The following PML variants were observed in gnomAD, a reference collection of about 807,000 sequenced individuals.
PML encodes PML nuclear body scaffold.
PML carries 28 observed loss-of-function variants against 65.2 expected under a neutral mutation model. The observed-to-expected ratio is 0.43, with a 90% CI of 0.32 to 0.59. PML has a LOEUF of 0.59. Ranked by LOEUF, PML falls within the 20% of genes least tolerant of loss-of-function variation. PML has a pLI of 0.08. For missense variants in PML, 1,021 were observed against 1,203.4 expected, an observed-to-expected ratio of 0.85 and a Z score of 2.24; for synonymous variants, 500 against 508.8, an observed-to-expected ratio of 0.98 and a Z score of 0.23.
intron 1 of PML, among the ~76,000 whole-genome samples, chr15:73,995,856 G>T (rs575159389): frequency 6.6e-6 from 1 of 152,130 alleles, no homozygotes; most frequent in African/African-American, 2.4e-5. Context: ...CCGGGTTCAC[G>T]CCATTCTCCT....
intron 2 of PML, among the ~76,000 whole-genome samples, chr15:74,010,615 A>ACAGC (rs2070291725): frequency 6.6e-6 from 1 of 152,158 alleles, no homozygotes; most frequent in East Asian, 1.9e-4. Context: ...AGCCAGCCAG[A>ACAGC]CAGCCATTGA....
At chr15:74,031,226 A>G in intron 4 of PML, 1 of 440,808 alleles carries the variant, frequency 2.3e-6, no homozygotes, top group Non-Finnish European at 4.6e-6. Context: ...TGTAAATAGG[A>G]TCATACAATG....
chr15:74,044,729 GC>G lies in PML; in HGVS notation c.2374del (p.Arg792GlyfsTer12). On this transcript the variant is annotated frameshift_variant, in exon 9 of 9. Transcript: ENST00000268058. LOFTEE classifies it low-confidence loss of function (END_TRUNC). ...LQPLVQAAVLPRAEARLLALH... is the reference protein window; with the variant it reads ...LQPLVQAAVLXRAEARLLALH... ...AGCCCCTGGTGCAGGCAGCTGTGCT[GC>G]CCCGGGCTGAGGCCCGCCTCCTGGC... is the stretch of plus-strand genomic sequence containing the variant. 2 of 1,609,984 alleles carry G rather than the reference GC, an allele frequency of 1.2e-6. No individual in the cohort carries two copies. Among genetic ancestry groups the G allele is most frequent in the Non-Finnish European group, 1.7e-6 (2 of 1,179,948 alleles).
At chr15:74,039,629 A>G (rs969873150) in intron 7 of PML, among the ~76,000 whole-genome samples, 2 of 152,216 alleles carry the variant, frequency 1.3e-5, no homozygotes, top group East Asian at 3.8e-4. Flanking sequence ...TTTCCCAACT[A>G]CAGATTCCTA....
chr15:74,026,485 AAC>A (rs1325697136), intron 4 of PML: 1 of 151,924 alleles, frequency 6.6e-6, no homozygotes, highest in African/African-American at 2.4e-5. Context: ...GCTGACTCTT[AAC>A]TGCCTTGGGT....
rs771816629 is a variant in PML at position 74,044,316 on chromosome 15, G to A, written c.1957G>A (p.Val653Met). Reference sequence around the variant, plus strand: ...CTTCTTCAGCATCTACTCCAAGGCCGTGTCCCTGGAGGTGGGGCTGCAGCA... The same window carrying A: ...CTTCTTCAGCATCTACTCCAAGGCCATGTCCCTGGAGGTGGGGCTGCAGCA... ...EAFFSIYSKA[V>M]SLEVGLQHFL... The change falls in exon 9 of 9, where the codon GTG becomes ATG. Residue 653 changes from valine to methionine, a missense_variant. Coordinates refer to ENST00000268058, the MANE Select transcript of PML (RefSeq NM_033238.3). 6.8e-6 allele frequency: 11 copies of A among 1,613,866 alleles called. No homozygotes were observed. Among genetic ancestry groups the A allele is most frequent in the East Asian group, 6.7e-5 (3 of 44,890 alleles).
chr15:74,037,089 G>C lies in PML; in HGVS notation c.1710+2559G>C, dbSNP rs1306450306. 14 of 985,314 alleles carry C rather than the reference G, an allele frequency of 1.4e-5. No individual in the cohort carries two copies. Among genetic ancestry groups the C allele is most frequent in the Non-Finnish European group, 1.6e-5 (13 of 829,942 alleles). The allele number at this position is 985,314 out of a possible 1,614,324, so 61.0% of individuals were successfully genotyped here. On this transcript the variant is annotated intron_variant, in intron 7 of 8. Transcript: ENST00000268058. This position sits in a 1 kb window ranked among gnomAD's most constrained non-coding sequence, Gnocchi z 4.2. Reference sequence around the variant, plus strand: ...ACCGAGATCTGCAGGAGAAAGGCCTGGGAAAACTATGAGTGGTTGCCTGTG... The same window carrying C: ...ACCGAGATCTGCAGGAGAAAGGCCTCGGAAAACTATGAGTGGTTGCCTGTG...
intron 2 of PML, among the ~76,000 whole-genome samples, 171 bp from the exon 3 acceptor site, chr15:74,022,657 T>C (rs2070891131): frequency 6.6e-6 from 1 of 152,242 alleles, no homozygotes; most frequent in Non-Finnish European, 1.5e-5. Flanking sequence ...GTGTTATTGG[T>C]AGTTTGGATA....
At chr15:74,039,639 A>G (rs1029110312) in intron 7 of PML, among the ~76,000 whole-genome samples, 2 of 152,216 alleles carry the variant, frequency 1.3e-5, no homozygotes, top group African/African-American at 4.8e-5. Flanking sequence ...ACAGATTCCT[A>G]GGTCCTACGC....
chr15:74,034,522 G>A lies in PML; in HGVS notation c.1702G>A (p.Glu568Lys), dbSNP rs1026561797. 3.7e-6 allele frequency: 6 copies of A among 1,614,166 alleles called. No homozygotes were observed. The highest frequency in any genetic ancestry group is 1.3e-5 in the African/African-American group (1 of 75,034). Residue 568 changes from glutamate to lysine, a missense_variant, in exon 7 of 9, where the codon GAA becomes AAA. Transcript: ENST00000268058. Reference sequence around the variant, plus strand: ...CAGCAGCTCGGAAGACTCAGATGCCGAAAACTCGGTGAGTGGCCCAGAAGT... The same window carrying A: ...CAGCAGCTCGGAAGACTCAGATGCCAAAAACTCGGTGAGTGGCCCAGAAGT... ...VISSSEDSDA[E>K]NSSSRELDDS...
Position 74,042,987 on chromosome 15 carries a change from A to G in PML, c.1711-2A>G. The G allele has an allele frequency of 6.2e-7, 1 of 1,613,594 alleles. No individual in the cohort carries two copies. The highest frequency in any genetic ancestry group is 1.3e-5 in the African/African-American group (1 of 74,896). On this transcript the variant is annotated splice_acceptor_variant, in intron 7 of 8. Coordinates refer to ENST00000268058, the MANE Select transcript of PML (RefSeq NM_033238.3). LOFTEE classifies it high-confidence loss of function. This position sits in a 1 kb window ranked among gnomAD's most constrained non-coding sequence, Gnocchi z 5.3. Reference sequence around the variant, plus strand: ...CTGACGCTTGGTTTTTCTGTGTTGCAGTCCTCCCGAGAGCTGGATGACAGC... The same window carrying G: ...CTGACGCTTGGTTTTTCTGTGTTGCGGTCCTCCCGAGAGCTGGATGACAGC...
chr15:74,027,342 A>G (rs946452320), intron 4 of PML: 5 of 152,226 alleles, frequency 3.3e-5, no homozygotes, highest in African/African-American at 9.7e-5. Context: ...GCTTGAGCCC[A>G]GGAATTTGAG....
At chr15:74,010,275 C>T (rs2070270785) in intron 2 of PML, among the ~76,000 whole-genome samples, 1 of 145,714 alleles carries the variant, frequency 6.9e-6, no homozygotes, top group African/African-American at 2.6e-5. Context: ...TCAGGCAATC[C>T]ACCTGCCTGG....
chr15:74,043,163 C>A lies in PML; in HGVS notation c.1861+24C>A. On this transcript the variant is annotated intron_variant, in intron 8 of 8. Transcript: ENST00000268058. The surrounding 1 kb of genome is among the most constrained non-coding windows in gnomAD (Gnocchi z 4.3). Reference sequence around the variant, plus strand: ...AAGTGGGTTCTCCTGGGGCTACCCCCACCCCTTTCTAATTTAGTCTCTGAG... The same window carrying A: ...AAGTGGGTTCTCCTGGGGCTACCCCAACCCCTTTCTAATTTAGTCTCTGAG... The A allele has an allele frequency of 6.2e-7, 1 of 1,613,936 alleles. No homozygotes were observed. The highest frequency in any genetic ancestry group is 8.5e-7 in the Non-Finnish European group (1 of 1,179,982).
In PML at chr15:73,998,100, C is replaced by T; in HGVS notation, c.226C>T (p.Leu76=). ...GAAGCTGCTGCCTTGTCTGCACACG[C>T]TGTGCTCAGGATGCCTGGAGGCGTC... ...CPKLLPCLHT[L]CSGCLEASGM... is the part of the protein sequence containing the mutation. Residue 76 remains leucine, a synonymous_variant, in exon 2 of 9, where the codon CTG becomes TTG. Coordinates refer to ENST00000268058, the MANE Select transcript of PML (RefSeq NM_033238.3). The T allele has an allele frequency of 6.2e-7, 1 of 1,613,920 alleles. No homozygotes were observed. Among genetic ancestry groups the T allele is most frequent in the Non-Finnish European group, 8.5e-7 (1 of 1,180,026 alleles).
intron 4 of PML, among the ~76,000 whole-genome samples, chr15:74,030,711 G>A (rs949123093): frequency 1.3e-5 from 2 of 152,152 alleles, no homozygotes; most frequent in South Asian, 2.1e-4. Flanking sequence ...CAGGGGTCCC[G>A]AGGTATGTGA....
At chr15:74,040,643 G>A (rs766253897) in intron 7 of PML, among the ~76,000 whole-genome samples, 9 of 152,190 alleles carry the variant, frequency 5.9e-5, no homozygotes, top group Admixed American at 6.5e-5. Flanking sequence ...AGTTTAAGGC[G>A]GAGCAGGGGA....
chr15:74,002,439 CTTTTCTT>C (rs1252778569), intron 2 of PML, among the ~76,000 whole-genome samples: 38 of 104,602 alleles, frequency 3.6e-4, no homozygotes, highest in African/African-American at 1.1e-3. Flanking sequence ...ACCTTTCTTT[CTTTTCTT>C]TTTTTTTTTT....
intron 6 of PML, 52 bp from the exon 7 acceptor site, chr15:74,034,426 C>T: frequency 6.2e-7 from 1 of 1,613,912 alleles, no homozygotes; most frequent in Non-Finnish European, 8.5e-7. Flanking sequence ...CCACACCCCT[C>T]CCAGCATGCA....
Sources: gnomAD v4.1 joint callset for allele counts (sites outside exome capture counted in the v4.1 genomes callset) on GRCh38, gnomAD v4.1.1 for gene constraint, Gnocchi (gnomAD v3.1) non-coding constraint, MANE v1.5 for transcripts, NCBI Gene and HGNC (gene_info 2026-07-23, HGNC 2026-07-21) for gene names.